Variants in HEMK2 observed in about 807,000 individuals in gnomAD.
HEMK2 encodes HemK methyltransferase 2, ETF1 glutamine and histone H4 lysine, also known as methyltransferase HEMK2.
the HEMK2 span, among the ~76,000 whole-genome samples, chr21:28,868,424 G>T: frequency 1.3e-5 from 2 of 152,194 alleles, no homozygotes; most frequent in Non-Finnish European, 2.9e-5. Flanking sequence ...GCTCATGCCT[G>T]TAATCTCACC....
the HEMK2 span, among the ~76,000 whole-genome samples, chr21:28,674,397 G>A: frequency 5.0e-3 from 765 of 151,956 alleles, 6 homozygotes; most frequent in African/African-American, 0.017. Flanking sequence ...ATTCTTTCTC[G>A]CTCAAGATCC....
At chr21:28,602,933 A>G in the HEMK2 span, among the ~76,000 whole-genome samples, 1 of 152,288 alleles carries the variant, frequency 6.6e-6, no homozygotes, top group South Asian at 2.1e-4. Flanking sequence ...CCATTTCTGT[A>G]CTTTGCTGCC....
the HEMK2 span, among the ~76,000 whole-genome samples, chr21:28,831,634 G>GGAAAGAAA: frequency 2.7e-3 from 99 of 36,448 alleles, 3 homozygotes; most frequent in Admixed American, 3.4e-3. Context: ...AAAGAAGGAA[G>GGAAAGAAA]GAAAGAAAGA....
At chr21:28,823,588 T>C in the HEMK2 span, among the ~76,000 whole-genome samples, 8 of 152,168 alleles carry the variant, frequency 5.3e-5, no homozygotes, top group African/African-American at 1.9e-4. Context: ...GTTATCTTCC[T>C]ACTGTTGGGG....
the HEMK2 span, among the ~76,000 whole-genome samples, chr21:28,849,652 C>A: frequency 5.3e-5 from 8 of 152,050 alleles, no homozygotes; most frequent in Non-Finnish European, 1.0e-4. Flanking sequence ...AGGTAAAACA[C>A]GAAATCGCCA....
At chr21:28,811,452 G>A in the HEMK2 span, among the ~76,000 whole-genome samples, 1 of 149,674 alleles carries the variant, frequency 6.7e-6, no homozygotes, top group African/African-American at 2.5e-5. Flanking sequence ...ACGCAGGGAG[G>A]GAGGGAGGGA....
At chr21:28,581,456 G>A in the HEMK2 span, among the ~76,000 whole-genome samples, 1 of 152,260 alleles carries the variant, frequency 6.6e-6, no homozygotes, top group Non-Finnish European at 1.5e-5. Flanking sequence ...GACTGAGCGT[G>A]GTACAATTGC....
the HEMK2 span, among the ~76,000 whole-genome samples, chr21:28,827,383 G>GA: frequency 4.1e-4 from 63 of 152,140 alleles, no homozygotes; most frequent in Middle Eastern, 0.01. Flanking sequence ...TCACTTTTGG[G>GA]AAAAAAATAA....
chr21:28,864,616 T>C, the HEMK2 span, among the ~76,000 whole-genome samples: 2 of 152,138 alleles, frequency 1.3e-5, no homozygotes, highest in Non-Finnish European at 2.9e-5. Flanking sequence ...TTTGGACACG[T>C]CCACTTAAAA....
the HEMK2 span, among the ~76,000 whole-genome samples, chr21:28,637,918 G>C: frequency 6.6e-6 from 1 of 152,172 alleles, no homozygotes; most frequent in Admixed American, 6.5e-5. Flanking sequence ...TGTTGTAAAG[G>C]AGAAAAATAG....
chr21:28,751,584 A>G, the HEMK2 span, among the ~76,000 whole-genome samples: 1 of 152,374 alleles, frequency 6.6e-6, no homozygotes, highest in East Asian at 1.9e-4. Context: ...TAAGGGCAGA[A>G]GAGATGTTGC....
chr21:28,755,859 C>T, the HEMK2 span, among the ~76,000 whole-genome samples: 1 of 152,136 alleles, frequency 6.6e-6, no homozygotes, highest in Non-Finnish European at 1.5e-5. Flanking sequence ...CTCTCTTATA[C>T]CCAGATGCCT....
the HEMK2 span, among the ~76,000 whole-genome samples, chr21:28,842,313 C>T: frequency 2.6e-5 from 4 of 152,068 alleles, no homozygotes; most frequent in Non-Finnish European, 5.9e-5. Context: ...TTTCTATACA[C>T]TATTAATAAA....
chr21:28,804,939 A>G, the HEMK2 span, among the ~76,000 whole-genome samples: 2 of 152,240 alleles, frequency 1.3e-5, no homozygotes, highest in Non-Finnish European at 2.9e-5. Flanking sequence ...TTAAATCTAC[A>G]GAAACCTGGG....
the HEMK2 span, among the ~76,000 whole-genome samples, chr21:28,801,977 G>A: frequency 6.6e-6 from 1 of 152,064 alleles, no homozygotes. Context: ...CATATCTATT[G>A]AAATTACATA....
At chr21:28,580,564 C>T in the HEMK2 span, among the ~76,000 whole-genome samples, 2 of 84,838 alleles carry the variant, frequency 2.4e-5, no homozygotes, top group African/African-American at 7.1e-5. Flanking sequence ...AAGTTTAATG[C>T]ACTTAAAAAA....
chr21:28,792,877 C>G, the HEMK2 span, among the ~76,000 whole-genome samples: 1 of 152,144 alleles, frequency 6.6e-6, no homozygotes, highest in Admixed American at 6.6e-5. Flanking sequence ...CCAGGTAAAT[C>G]AGGGGCACCT....
At chr21:28,725,857 T>C in the HEMK2 span, among the ~76,000 whole-genome samples, 2 of 152,222 alleles carry the variant, frequency 1.3e-5, no homozygotes, top group African/African-American at 4.8e-5. Context: ...TTCTTGGTCA[T>C]CAGTTTAAGT....
the HEMK2 span, among the ~76,000 whole-genome samples, chr21:28,835,173 G>A: frequency 6.6e-6 from 1 of 152,026 alleles, no homozygotes; most frequent in East Asian, 1.9e-4. Context: ...GCCACCTCCT[G>A]GCAGAAGGTC....
Sources: allele counts gnomAD v4.1 joint callset (sites outside exome capture counted in the v4.1 genomes callset), GRCh38; gene constraint gnomAD v4.1.1; transcripts MANE v1.5; gene names NCBI Gene and HGNC (gene_info 2026-07-23, HGNC 2026-07-21).